The following JAZF1 variants were observed in gnomAD, a reference collection of about 807,000 sequenced individuals.
JAZF1 encodes juxtaposed with another zinc finger protein 1.
In JAZF1, 8 loss-of-function variants were observed where a neutral mutation model predicts 26.4. The ratio of observed to expected loss-of-function variants is 0.30; its 90% CI spans 0.18 to 0.55. The LOEUF (loss-of-function observed/expected upper bound fraction) is 0.55. Ranked by LOEUF, JAZF1 falls within the 20% of genes least tolerant of loss-of-function variation. The pLI, the probability that JAZF1 is intolerant of heterozygous loss-of-function variation, is 0.94. For missense variants in JAZF1, 199 were observed against 322.0 expected (o/e 0.62, Z 2.92); for synonymous variants, 126 against 122.3 (o/e 1.03, Z -0.20).
chr7:27,923,469 A>G (rs963431160), intron 2 of JAZF1, among the ~76,000 whole-genome samples: 2 of 152,188 alleles, frequency 1.3e-5, no homozygotes, highest in Admixed American at 1.3e-4. Context: ...ACATTATTCT[A>G]TCAGGCCTGG....
At chr7:28,040,207 C>T (rs1783365849) in intron 1 of JAZF1, among the ~76,000 whole-genome samples, 1 of 152,106 alleles carries the variant, frequency 6.6e-6, no homozygotes, top group African/African-American at 2.4e-5. Flanking sequence ...CCTTTAAACA[C>T]ATAAAAAAAA....
intron 1 of JAZF1, among the ~76,000 whole-genome samples, chr7:28,024,483 T>C (rs1048552852): frequency 1.3e-5 from 2 of 152,214 alleles, no homozygotes; most frequent in Non-Finnish European, 2.9e-5. Flanking sequence ...GGTGTGGGCA[T>C]GTGTGTATAC....
intron 1 of JAZF1, among the ~76,000 whole-genome samples, chr7:28,094,493 C>A (rs1357209679): frequency 6.6e-6 from 1 of 152,236 alleles, no homozygotes; most frequent in East Asian, 1.9e-4. Flanking sequence ...TTGGCCTGGC[C>A]TGGGTTTCTG....
chr7:28,045,631 T>C (rs1033174335), intron 1 of JAZF1, among the ~76,000 whole-genome samples: 10 of 152,126 alleles, frequency 6.6e-5, no homozygotes, highest in Non-Finnish European at 1.2e-4. Flanking sequence ...GTTTGGAGTA[T>C]AGTGACATGC....
At chr7:27,976,061 T>C (rs1785463617) in intron 2 of JAZF1, among the ~76,000 whole-genome samples, 1 of 152,118 alleles carries the variant, frequency 6.6e-6, no homozygotes, top group South Asian at 2.1e-4. Flanking sequence ...ATGGTCTTTC[T>C]GGGCTAGTCG....
chr7:28,179,870 G>T (rs1041705055), intron 1 of JAZF1, among the ~76,000 whole-genome samples: 65 of 146,404 alleles, frequency 4.4e-4, no homozygotes, highest in African/African-American at 1.5e-3. Context: ...CGGCGGCGGC[G>T]GCGGGAGGAG....
chr7:28,009,292 T>C (rs1227241778), intron 1 of JAZF1, among the ~76,000 whole-genome samples: 1 of 151,784 alleles, frequency 6.6e-6, no homozygotes, highest in Admixed American at 6.6e-5. Context: ...TGCCTGTCAA[T>C]CTCTCCTCCC....
At chr7:28,129,248 G>A (rs1782751568) in intron 1 of JAZF1, among the ~76,000 whole-genome samples, 1 of 152,006 alleles carries the variant, frequency 6.6e-6, no homozygotes, top group Non-Finnish European at 1.5e-5. Context: ...ATATTATGCA[G>A]GTGTATGGTT....
rs144028737 is a variant in JAZF1 at position 27,982,156 on chromosome 7, C to T, written c.188+9753G>A. Among the ~76,000 whole-genome samples, 328 of 152,312 alleles carry T rather than the reference C, an allele frequency of 2.2e-3. 2 individuals carry two copies. The highest frequency in any genetic ancestry group is 7.4e-3 in the African/African-American group (306 of 41,568). ...GCCCATGGAGCAGGGCGGGGCATCACCGCACCCAGGAAGTGCAAGAGGTAG... is the reference window on the plus strand; with the variant it reads ...GCCCATGGAGCAGGGCGGGGCATCATCGCACCCAGGAAGTGCAAGAGGTAG... On this transcript the variant is annotated intron_variant, in intron 2 of 4. Coordinates refer to ENST00000283928, the MANE Select transcript of JAZF1 (RefSeq NM_175061.4).
rs150146581 is a variant in JAZF1 at position 28,148,738 on chromosome 7, C to T, written c.115+31725G>A. On this transcript the variant is annotated intron_variant, in intron 1 of 4. Coordinates refer to ENST00000283928, the MANE Select transcript of JAZF1 (RefSeq NM_175061.4). ...TTTTTTAATGAAATAAATTAAAATG[C>T]ATGGTTGCTGCACTCAATAAGCTCA... is the stretch of plus-strand genomic sequence containing the variant. 1.8e-3 allele frequency among the ~76,000 whole-genome samples: 275 copies of T among 152,262 alleles called. 1 individual carries two copies. The highest frequency in any genetic ancestry group is 6.3e-3 in the African/African-American group (262 of 41,546).
chr7:28,136,492 G>A (rs898131752), intron 1 of JAZF1, among the ~76,000 whole-genome samples: 4 of 152,254 alleles, frequency 2.6e-5, no homozygotes, highest in African/African-American at 4.8e-5. Context: ...AAACAGCAGC[G>A]TGCTCAGAAT....
At chr7:28,052,650 C>A (rs1237470157) in intron 1 of JAZF1, among the ~76,000 whole-genome samples, 2 of 152,168 alleles carry the variant, frequency 1.3e-5, no homozygotes, top group African/African-American at 4.8e-5. Context: ...CAGAGCAAAG[C>A]AACTTGTATC....
chr7:27,876,829 C>T (rs375699326), intron 3 of JAZF1, among the ~76,000 whole-genome samples: 22 of 152,272 alleles, frequency 1.4e-4, no homozygotes, highest in African/African-American at 5.3e-4. Context: ...CCATTACTCT[C>T]CCTGGAGAGA....
intron 3 of JAZF1, among the ~76,000 whole-genome samples, chr7:27,847,263 T>C (rs1182810892): frequency 6.6e-6 from 1 of 152,016 alleles, no homozygotes; most frequent in African/African-American, 2.4e-5. Context: ...GTGCTGGGAT[T>C]ACAGGCATGA....
intron 1 of JAZF1, among the ~76,000 whole-genome samples, chr7:28,164,491 C>T (rs537165410): frequency 4.0e-4 from 61 of 152,292 alleles, no homozygotes; most frequent in Non-Finnish European, 7.2e-4. Context: ...ATACAGATAA[C>T]AGGTCCAGAT....
At chr7:28,073,521 G>C (rs373343685) in intron 1 of JAZF1, among the ~76,000 whole-genome samples, 2 of 152,300 alleles carry the variant, frequency 1.3e-5, no homozygotes, top group African/African-American at 2.4e-5. Context: ...AAAGTAGTTT[G>C]TTAGGCTGTC....
chr7:27,886,657 T>A (rs78672735), intron 3 of JAZF1, among the ~76,000 whole-genome samples: 223 of 152,370 alleles, frequency 1.5e-3, no homozygotes, highest in African/African-American at 5.1e-3. Context: ...GTATACATCA[T>A]GTTCATTAGT....
intron 1 of JAZF1, among the ~76,000 whole-genome samples, chr7:28,091,430 A>C: frequency 6.6e-6 from 1 of 151,910 alleles, no homozygotes; most frequent in East Asian, 1.9e-4. Flanking sequence ...TTCACCACTA[A>C]GAACATTCTT....
At chr7:28,148,646 A>G (rs937170827) in intron 1 of JAZF1, among the ~76,000 whole-genome samples, 12 of 152,212 alleles carry the variant, frequency 7.9e-5, no homozygotes, top group Non-Finnish European at 1.5e-4. Context: ...TCATTCATTC[A>G]TTTATCCATC....
Sources: gnomAD v4.1 joint callset for allele counts (sites outside exome capture counted in the v4.1 genomes callset) on GRCh38, gnomAD v4.1.1 for gene constraint, MANE v1.5 for transcripts, NCBI Gene and HGNC (gene_info 2026-07-23, HGNC 2026-07-21) for gene names.